Variants in ABCC1 observed in about 807,000 individuals in gnomAD.
The protein encoded by ABCC1 is multidrug resistance-associated protein 1.
A neutral mutation model predicts 172.9 loss-of-function variants in ABCC1; 83 were observed. The ratio of observed to expected loss-of-function variants is 0.48; its 90% CI spans 0.40 to 0.58. The LOEUF (loss-of-function observed/expected upper bound fraction) is 0.58. ABCC1 is among the 20% of genes least tolerant of loss of function. ABCC1 has a pLI of 0.00. For synonymous variants in ABCC1, 937 were observed against 825.2 expected (o/e 1.14, Z -2.32); for missense variants, 1,817 against 2,002.7 (o/e 0.91, Z 1.77).
intron 1 of ABCC1, among the ~76,000 whole-genome samples, chr16:15,973,127 G>A (rs1303895301): frequency 6.6e-6 from 1 of 151,908 alleles, no homozygotes; most frequent in East Asian, 1.9e-4. Flanking sequence ...CACTTTTTAA[G>A]CCTTAACAAA....
At chr16:16,060,183 C>CA (rs1399440987) in intron 12 of ABCC1, among the ~76,000 whole-genome samples, 4 of 151,122 alleles carry the variant, frequency 2.6e-5, no homozygotes, top group African/African-American at 7.3e-5. Flanking sequence ...CAAAGCTGGT[C>CA]ATCTCACCTC....
intron 1 of ABCC1, among the ~76,000 whole-genome samples, chr16:15,967,922 G>A (rs1182271430): frequency 6.6e-6 from 1 of 152,144 alleles, no homozygotes; most frequent in Admixed American, 6.6e-5. Context: ...ATTACTTAAA[G>A]GGACGTCTTT....
At chr16:16,131,702 G>GA in intron 26 of ABCC1, 87 bp from the exon 27 acceptor site, 2 of 1,498,220 alleles carry the variant, frequency 1.3e-6, no homozygotes, top group Non-Finnish European at 1.8e-6. Flanking sequence ...TTGGGCAGCA[G>GA]AGTGAGTGAG....
chr16:16,090,462 G>T lies in ABCC1; in HGVS notation c.2518G>T (p.Val840Phe). Residue 840 changes from valine (V) to phenylalanine (F), a missense_variant, in exon 19 of 31, where the codon GTC becomes TTC. Val to Phe is a conservative substitution (Grantham distance 50). Around this residue, in one of 3 missense-constraint regions of ABCC1, gnomAD observed 1,412 missense variants for 1,600.3 expected, o/e 0.88. Coordinates refer to ENST00000399410, the MANE Select transcript of ABCC1 (RefSeq NM_004996.4). The part of the protein sequence containing the change: ...SYLPQVDVII[V>F]MSGGKISEMG... ...CTTGCCGCAGGTGGACGTCATCATC[G>T]TCATGAGTGGCGGCAAGATCTCTGA... The T allele has an allele frequency of 6.2e-7, 1 of 1,613,822 alleles. No homozygotes were observed. The highest frequency in any genetic ancestry group is 8.5e-7 in the Non-Finnish European group (1 of 1,179,930).
chr16:15,977,012 G>A (rs777988533), intron 1 of ABCC1, among the ~76,000 whole-genome samples: 4 of 152,106 alleles, frequency 2.6e-5, no homozygotes, highest in African/African-American at 7.2e-5. Context: ...TTGTGATGCC[G>A]GCTGGCCAGG....
chr16:16,011,245 GAAAA>G (rs921034286), intron 3 of ABCC1, among the ~76,000 whole-genome samples: 1 of 143,994 alleles, frequency 6.9e-6, no homozygotes, highest in Admixed American at 7.0e-5. Flanking sequence ...AAAAGAAAAA[GAAAA>G]AAAAAAGGAG....
chr16:16,082,447 CT>C (rs2050841734), intron 16 of ABCC1, among the ~76,000 whole-genome samples: 1 of 152,150 alleles, frequency 6.6e-6, no homozygotes, highest in Admixed American at 6.5e-5. Context: ...AGAGAATTAA[CT>C]ACCTCAGCAT....
intron 14 of ABCC1, among the ~76,000 whole-genome samples, chr16:16,075,103 C>T (rs1390617691): frequency 1.3e-5 from 2 of 151,938 alleles, no homozygotes; most frequent in African/African-American, 2.4e-5. Flanking sequence ...CGCTACCACA[C>T]CTGGCTAATG....
intron 17 of ABCC1, among the ~76,000 whole-genome samples, chr16:16,084,765 C>T (rs923035207): frequency 6.6e-6 from 1 of 152,022 alleles, no homozygotes; most frequent in Non-Finnish European, 1.5e-5. Flanking sequence ...GGACTACAGG[C>T]CCCTGCCACC....
intron 7 of ABCC1, among the ~76,000 whole-genome samples, chr16:16,037,220 G>T (rs2048791262): frequency 6.6e-6 from 1 of 152,136 alleles, no homozygotes; most frequent in African/African-American, 2.4e-5. Context: ...TGAGCATCTG[G>T]CATCCTGCAT....
At chr16:16,108,340 C>A (rs371337169) in intron 21 of ABCC1, among the ~76,000 whole-genome samples, 1 of 141,696 alleles carries the variant, frequency 7.1e-6, no homozygotes, top group African/African-American at 2.6e-5. Flanking sequence ...AGTGCCGTGG[C>A]GCTCACCGCA....
chr16:16,013,630 A>AC (rs2151751812), intron 3 of ABCC1, among the ~76,000 whole-genome samples: 1 of 152,112 alleles, frequency 6.6e-6, no homozygotes, highest in East Asian at 1.9e-4. Context: ...AGCTGTGCAA[A>AC]CAGACATTAA....
At chr16:16,066,426 C>T (rs2050116254) in intron 12 of ABCC1, among the ~76,000 whole-genome samples, 1 of 151,818 alleles carries the variant, frequency 6.6e-6, no homozygotes, top group South Asian at 2.1e-4. Context: ...AGTGATCCGC[C>T]CGCCTCAGCC....
chr16:16,022,575 C>G (rs1484849108), intron 5 of ABCC1, among the ~76,000 whole-genome samples: 2 of 152,148 alleles, frequency 1.3e-5, no homozygotes, highest in African/African-American at 4.8e-5. Context: ...AATGCTGGGT[C>G]TCAGGCCTCA....
At chr16:16,058,483 A>G (rs2049766306) in intron 12 of ABCC1, among the ~76,000 whole-genome samples, 1 of 152,172 alleles carries the variant, frequency 6.6e-6, no homozygotes. Flanking sequence ...TTCAGGTGGA[A>G]TGTCTAAGGA....
At chr16:16,086,593 A>G (rs1192751265) in intron 17 of ABCC1, among the ~76,000 whole-genome samples, 1 of 152,088 alleles carries the variant, frequency 6.6e-6, no homozygotes, top group Admixed American at 6.6e-5. Flanking sequence ...AGCTGGAACT[A>G]CAGGCGCACA....
At chr16:15,949,484 C>A (rs941125985), upstream of ABCC1, 1 of 140,884 alleles carries the variant, frequency 7.1e-6, no homozygotes, top group Non-Finnish European at 1.5e-5. Context: ...GGTGGCTGGT[C>A]CGGCTGCCCA....
At chr16:16,114,399 G>A (rs1197419265) in intron 22 of ABCC1, among the ~76,000 whole-genome samples, 2 of 151,806 alleles carry the variant, frequency 1.3e-5, no homozygotes, top group African/African-American at 4.8e-5. Context: ...GAGTGGAGTG[G>A]ACGCAGTCTT....
intron 26 of ABCC1, among the ~76,000 whole-genome samples, chr16:16,128,556 C>T (rs2045541231): frequency 6.6e-6 from 1 of 152,188 alleles, no homozygotes; most frequent in Admixed American, 6.6e-5. Context: ...AGTCCTACCA[C>T]TATTCTGTAT....
Sources: gnomAD v4.1 joint callset for allele counts (sites outside exome capture counted in the v4.1 genomes callset) on GRCh38, gnomAD v4.1.1 for gene constraint, gnomAD v4.1.1 regional missense constraint, MANE v1.5 for transcripts, NCBI Gene and HGNC (gene_info 2026-07-23, HGNC 2026-07-21) for gene names.